Variants in DGKB observed in about 807,000 individuals in gnomAD.
DGKB encodes the protein 90 kDa diacylglycerol kinase.
Under a neutral mutation model 114.3 loss-of-function variants are expected in DGKB, and 67 were observed. That is an observed-to-expected ratio of 0.59 (90% CI 0.48 to 0.72). The LOEUF (loss-of-function observed/expected upper bound fraction) is 0.72, where lower values mean the gene tolerates loss of function less well. Among genes scored for constraint, DGKB ranks in the 30% least tolerant of loss-of-function variants. The probability of loss-of-function intolerance (pLI) is 0.00; values close to 1 mark genes in which losing one functional copy is unlikely to be tolerated. For synonymous variants in DGKB, 398 were observed against 323.1 expected, an observed-to-expected ratio of 1.23 and a Z score of -2.49; for missense variants, 907 against 975.2, an observed-to-expected ratio of 0.93 and a Z score of 0.93.
chr7:14,320,585 A>AGTACATATATATAGTACATATATGTG (rs1379586043), intron 23 of DGKB, among the ~76,000 whole-genome samples: 2 of 151,826 alleles, frequency 1.3e-5, no homozygotes, highest in Admixed American at 6.6e-5. Context: ...GTACATATAT[A>AGTACATATATATAGTACATATATGTG]GTACATATAT....
intron 1 of DGKB, among the ~76,000 whole-genome samples, chr7:14,938,442 G>C (rs189280828): frequency 1.1e-4 from 16 of 152,268 alleles, no homozygotes; most frequent in Admixed American, 1.0e-3. Context: ...AAAACTTTCA[G>C]TTGCATTATT....
intron 20 of DGKB, among the ~76,000 whole-genome samples, chr7:14,479,203 A>G (rs550564889): frequency 6.6e-6 from 1 of 152,146 alleles, no homozygotes; most frequent in Non-Finnish European, 1.5e-5. Flanking sequence ...AAAGAAAACC[A>G]AACTCAAGGA....
intron 21 of DGKB, among the ~76,000 whole-genome samples, chr7:14,382,289 AAT>A (rs1491474105): frequency 4.9e-4 from 70 of 143,480 alleles, no homozygotes; most frequent in African/African-American, 1.8e-3. Flanking sequence ...AAACAGTGGC[AAT>A]TTTTTTTTTT....
At chr7:14,271,800 T>C (rs1798308235) in intron 23 of DGKB, among the ~76,000 whole-genome samples, 1 of 152,182 alleles carries the variant, frequency 6.6e-6, no homozygotes, top group South Asian at 2.1e-4. Context: ...CAGTATCCTT[T>C]TGTGTGTGCT....
chr7:14,169,092 G>T (rs1274458666), intron 25 of DGKB, among the ~76,000 whole-genome samples: 2 of 151,944 alleles, frequency 1.3e-5, no homozygotes, highest in African/African-American at 4.8e-5. Flanking sequence ...GGGTGCAGTG[G>T]CTCACGCCTG....
intron 20 of DGKB, among the ~76,000 whole-genome samples, chr7:14,497,158 T>C (rs1050555028): frequency 1.3e-5 from 2 of 150,842 alleles, no homozygotes; most frequent in Non-Finnish European, 3.0e-5. Context: ...GCATACAGAG[T>C]AGTATATTGG....
chr7:14,923,661 T>C lies in DGKB; in HGVS notation c.-188+51035A>G, dbSNP rs182111753. On this transcript the variant is annotated intron_variant, in intron 1 of 4. Coordinates refer to the DGKB transcript ENST00000437998. ...TTGCATTTCTCCAATCCATTCTCCA[T>C]GGAGCAACCATCAAAATCTTTTTAA... 1.5e-3 allele frequency among the ~76,000 whole-genome samples: 228 copies of C among 152,250 alleles called. 2 individuals carry two copies. The highest frequency in any genetic ancestry group is 5.2e-3 in the African/African-American group (218 of 41,566).
chr7:14,972,433 T>C (rs2115310966), intron 1 of DGKB, among the ~76,000 whole-genome samples: 1 of 152,266 alleles, frequency 6.6e-6, no homozygotes, highest in Middle Eastern at 3.4e-3. Context: ...AACTAAAATG[T>C]TTGTTTTCAA....
At chr7:14,441,056 G>A (rs574737764) in intron 21 of DGKB, among the ~76,000 whole-genome samples, 10 of 151,104 alleles carry the variant, frequency 6.6e-5, no homozygotes, top group South Asian at 4.2e-4. Flanking sequence ...TTGCTCTGTC[G>A]CCCAGGCTGG....
At chr7:14,238,700 G>T (rs1475263353) in intron 23 of DGKB, among the ~76,000 whole-genome samples, 1 of 151,722 alleles carries the variant, frequency 6.6e-6, no homozygotes, top group East Asian at 1.9e-4. Flanking sequence ...ATCTAGGCAG[G>T]GTAGTTACAG....
At chr7:14,530,090 G>A (rs1414233181) in intron 20 of DGKB, among the ~76,000 whole-genome samples, 2 of 151,558 alleles carry the variant, frequency 1.3e-5, no homozygotes, top group African/African-American at 4.8e-5. Flanking sequence ...CTCATTAAAG[G>A]TGTCTGCTTT....
intron 23 of DGKB, among the ~76,000 whole-genome samples, chr7:14,332,332 T>G (rs1332929820): frequency 1.3e-5 from 2 of 152,160 alleles, no homozygotes; most frequent in Admixed American, 1.3e-4. Context: ...AGAGTTGGGG[T>G]TTGAGCCAGC....
chr7:14,855,611 C>T (rs1003395582), intron 1 of DGKB, among the ~76,000 whole-genome samples: 1 of 152,018 alleles, frequency 6.6e-6, no homozygotes, highest in Non-Finnish European at 1.5e-5. Flanking sequence ...ATTTTGCCTT[C>T]CTAGGTTATA....
At chr7:14,239,053 G>T (rs542426722) in intron 23 of DGKB, among the ~76,000 whole-genome samples, 86 of 152,028 alleles carry the variant, frequency 5.7e-4, no homozygotes, top group African/African-American at 2.0e-3. Flanking sequence ...AACTGCTTTT[G>T]CTGTTTGTTT....
intron 2 of DGKB, among the ~76,000 whole-genome samples, chr7:14,780,794 T>C (rs1388062438): frequency 6.6e-6 from 1 of 152,236 alleles, no homozygotes; most frequent in East Asian, 1.9e-4. Flanking sequence ...ATAAGTTGCC[T>C]TTTTAACATT....
intron 20 of DGKB, among the ~76,000 whole-genome samples, chr7:14,509,947 G>A (rs897942640): frequency 1.3e-5 from 2 of 152,156 alleles, no homozygotes; most frequent in Non-Finnish European, 2.9e-5. Flanking sequence ...AGGCCGAGGC[G>A]GGCTGGTCAT....
chr7:14,412,273 C>A (rs1319685448), intron 21 of DGKB, among the ~76,000 whole-genome samples: 2 of 152,086 alleles, frequency 1.3e-5, no homozygotes, highest in African/African-American at 2.4e-5. Context: ...GTACAGCAAA[C>A]AATATATTGG....
At chr7:14,672,895 C>A (rs756131417) in intron 13 of DGKB, 34 bp downstream of exon 13, 3 of 1,294,712 alleles carry the variant, frequency 2.3e-6, no homozygotes, top group Middle Eastern at 3.7e-4. Context: ...CACAGCAATC[C>A]TAAGTTATAG....
Position 14,569,131 on chromosome 7 carries a change from G to C in DGKB, c.1770+5081C>G, listed in dbSNP as rs149096366. ...AAGCTGCTGAGTAGATGACTTTGTT[G>C]AATGACATTCAAGGTAGAAGATCTA... On this transcript the variant is annotated intron_variant, in intron 20 of 25. Coordinates refer to ENST00000402815, the MANE Select transcript of DGKB (RefSeq NM_001350709.2). Among the ~76,000 whole-genome samples, 826 of 152,282 alleles carry C rather than the reference G, an allele frequency of 5.4e-3. 6 individuals are homozygous for C. Among genetic ancestry groups the C allele is most frequent in the Non-Finnish European group, 8.8e-3 (596 of 68,020 alleles).
Sources: gnomAD v4.1 joint callset for allele counts (sites outside exome capture counted in the v4.1 genomes callset) on GRCh38, gnomAD v4.1.1 for gene constraint, MANE v1.5 for transcripts, NCBI Gene and HGNC (gene_info 2026-07-23, HGNC 2026-07-21) for gene names.